The following KIF14 variants were observed in gnomAD, a reference collection of about 807,000 sequenced individuals.
KIF14 encodes kinesin-like protein KIF14.
A neutral mutation model predicts 176.2 loss-of-function variants in KIF14; 98 were observed. The observed-to-expected ratio is 0.56, with a 90% CI of 0.47 to 0.66. KIF14 has a LOEUF of 0.66. Among genes scored for constraint, KIF14 ranks in the 30% least tolerant of loss-of-function variants. The pLI, the probability that KIF14 is intolerant of heterozygous loss-of-function variation, is 0.00. For synonymous variants in KIF14, 566 were observed against 632.2 expected (o/e 0.90, Z 1.57); for missense variants, 1,751 against 1,920.4 (o/e 0.91, Z 1.65).
intron 19 of KIF14, among the ~76,000 whole-genome samples, chr1:200,585,434 C>T (rs967479305): frequency 1.9e-4 from 29 of 151,864 alleles, no homozygotes; most frequent in Admixed American, 7.9e-4. Context: ...AAGAAAACAA[C>T]GTAATCCATG....
At position 200,617,811 on chromosome 1, in the gene KIF14, T is replaced by G; in HGVS notation, c.913A>C (p.Lys305Gln). The change falls in exon 2 of 30, where the codon AAG becomes CAG. Residue 305 changes from lysine to glutamine, a missense_variant. Coordinates refer to ENST00000367350, the MANE Select transcript of KIF14 (RefSeq NM_014875.3). ...ACTTGAAGGTTAGACATTCTATTCT[T>G]CAGTATTGATGGAGCTGGGCTCTTA... ...QLKSPAPSILKNRMSNLQVKQ... is the reference protein window; with the variant it reads ...QLKSPAPSILQNRMSNLQVKQ... The G allele has an allele frequency of 6.2e-7, 1 of 1,614,180 alleles. No homozygotes were observed. The highest frequency in any genetic ancestry group is 1.1e-5 in the South Asian group (1 of 91,078).
intron 18 of KIF14, among the ~76,000 whole-genome samples, chr1:200,588,534 C>T (rs1486992009): frequency 2.0e-5 from 3 of 152,124 alleles, no homozygotes; most frequent in African/African-American, 4.8e-5. Flanking sequence ...CCACCATGCC[C>T]GGCCTAAATA....
At chr1:200,569,038 G>A (rs574640768) in intron 23 of KIF14, among the ~76,000 whole-genome samples, 27 of 149,052 alleles carry the variant, frequency 1.8e-4, no homozygotes, top group East Asian at 1.4e-3. Context: ...CGATTCTCCC[G>A]CCTCAGCCTC....
chr1:200,558,099 A>G (rs1480178330), intron 27 of KIF14, among the ~76,000 whole-genome samples: 2 of 152,138 alleles, frequency 1.3e-5, no homozygotes, highest in Non-Finnish European at 2.9e-5. Flanking sequence ...GGTACTACAG[A>G]TGCATGCCAC....
intron 25 of KIF14, among the ~76,000 whole-genome samples, chr1:200,561,508 C>T (rs1421973030): frequency 6.6e-6 from 1 of 151,062 alleles, no homozygotes; most frequent in Non-Finnish European, 1.5e-5. Flanking sequence ...CACTGCACTC[C>T]AGCCTGGGTG....
At chr1:200,603,400 TCACA>T in intron 9 of KIF14, 59 bp from the exon 10 acceptor site, 1 of 804,246 alleles carries the variant, frequency 1.2e-6, no homozygotes, top group Non-Finnish European at 2.1e-6. Flanking sequence ...GAAATTTATT[TCACA>T]AAATATATTT....
At chr1:200,570,548 C>T (rs760102037) in intron 22 of KIF14, among the ~76,000 whole-genome samples, 5 of 152,060 alleles carry the variant, frequency 3.3e-5, no homozygotes, top group Non-Finnish European at 7.4e-5. Flanking sequence ...AGTGTACATG[C>T]GAAGAACCAA....
chr1:200,590,940 G>A (rs1659023944), intron 16 of KIF14, among the ~76,000 whole-genome samples: 1 of 151,928 alleles, frequency 6.6e-6, no homozygotes, highest in Admixed American at 6.6e-5. Flanking sequence ...GTGGGAGGAT[G>A]GCTTGAGGCC....
At chr1:200,555,218 C>T (rs1656769376) in intron 28 of KIF14, among the ~76,000 whole-genome samples, 162 bp downstream of exon 28, 1 of 151,988 alleles carries the variant, frequency 6.6e-6, no homozygotes, top group South Asian at 2.1e-4. Flanking sequence ...AGTTATGACA[C>T]ACATAAAAAA....
intron 22 of KIF14, among the ~76,000 whole-genome samples, chr1:200,573,597 C>T (rs999900125): frequency 1.3e-5 from 2 of 152,022 alleles, no homozygotes; most frequent in South Asian, 2.1e-4. Flanking sequence ...CCACCGCGCC[C>T]GGCAAGGAGC....
At position 200,560,826 on chromosome 1, in the gene KIF14, G is replaced by C. The variant is rs151196320; in HGVS notation, c.4126C>G (p.Gln1376Glu). 8.0e-5 allele frequency: 129 copies of C among 1,613,928 alleles called. No individual in the cohort carries two copies. The African/African-American group carries it at 1.5e-3, about 19-fold the overall frequency. Residue 1376 changes from glutamine (Q) to glutamate (E), a missense_variant, in exon 26 of 30, where the codon CAA becomes GAA. Coordinates refer to ENST00000367350, the MANE Select transcript of KIF14 (RefSeq NM_014875.3). The stretch of plus-strand genomic sequence containing the variant: ...TACTTTACAGCTTGTTGTACAATTT[G>C]GATTGCATTCTTTTGAGCCTCTTTT... ...MIKEAQKNAI[Q>E]IVQQAVKYVG...
At position 200,601,900 on chromosome 1, in the gene KIF14, A is replaced by T; in HGVS notation, c.2148T>A (p.Ile716=). 6.2e-7 allele frequency: 1 copy of T among 1,604,456 alleles called. No individual in the cohort carries two copies. The highest frequency in any genetic ancestry group is 8.5e-7 in the Non-Finnish European group (1 of 1,175,714). ...KVNEDMNAKL[I]RELKAEIAKL... is the part of the protein sequence containing the mutation. ...AAATTCTGAGAAAATATTCACCTCT[A>T]ATTAACTTAGCGTTCATATCTTCAT... The change falls in exon 11 of 30, where the codon ATT becomes ATA. Residue 716 remains isoleucine, a synonymous_variant. Coordinates refer to ENST00000367350, the MANE Select transcript of KIF14 (RefSeq NM_014875.3).
intron 22 of KIF14, among the ~76,000 whole-genome samples, chr1:200,574,937 A>ATTTTTTTTTTTTTTTTTTTTTTTTTTTT (rs35584654): frequency 9.0e-6 from 1 of 110,682 alleles, no homozygotes. Flanking sequence ...AGAAAGGGTA[A>ATTTTTTTTTTTTTTTTTTTTTTTTTTTT]TTTTTTTTTT....
At chr1:200,585,198 T>C (rs374199156) in intron 19 of KIF14, among the ~76,000 whole-genome samples, 19 of 149,818 alleles carry the variant, frequency 1.3e-4, no homozygotes, top group African/African-American at 4.4e-4. Context: ...TACTGTATTG[T>C]ATACTTGAAA....
chr1:200,609,016 A>G, intron 4 of KIF14, 88 bp from the exon 5 acceptor site: 2 of 611,780 alleles, frequency 3.3e-6, no homozygotes, highest in Non-Finnish European at 5.6e-6. Context: ...AAAATATATA[A>G]ATATATAAAA....
intron 4 of KIF14, among the ~76,000 whole-genome samples, chr1:200,612,876 ATTCTC>A (rs1660222894): frequency 8.2e-6 from 1 of 122,646 alleles, no homozygotes; most frequent in Non-Finnish European, 1.7e-5. Context: ...TTTCTAGTTT[ATTCTC>A]TTTTTTTTTT....
rs766155209 is a variant in KIF14 at position 200,617,634 on chromosome 1, G to T, written c.1090C>A (p.Arg364Ser). 2 of 1,611,378 alleles carry T rather than the reference G, an allele frequency of 1.2e-6. No homozygotes were observed. Among genetic ancestry groups the T allele is most frequent in the Non-Finnish European group, 1.7e-6 (2 of 1,178,288 alleles). The change falls in exon 2 of 30, where the codon CGC becomes AGC. Residue 364 changes from arginine (R) to serine (S), a missense_variant. Coordinates refer to ENST00000367350, the MANE Select transcript of KIF14 (RefSeq NM_014875.3). ...TACCTCTTGGTGAAAGGTCTTACGC[G>T]TACTGCCACTGTCACTTGACTATTC... ...VENSQVTVAV[R>S]VRPFTKREKI...
chr1:200,587,873 T>C (rs1276092607), intron 18 of KIF14, among the ~76,000 whole-genome samples: 1 of 152,206 alleles, frequency 6.6e-6, no homozygotes, highest in Non-Finnish European at 1.5e-5. Context: ...AACAGTTCTA[T>C]GTTTTTCTCC....
At chr1:200,557,381 A>T (rs141907171) in intron 27 of KIF14, among the ~76,000 whole-genome samples, 3 of 152,346 alleles carry the variant, frequency 2.0e-5, no homozygotes, top group Non-Finnish European at 4.4e-5. Context: ...ACGTGCAAGT[A>T]AGATGAATGA....
Sources: allele counts gnomAD v4.1 joint callset (sites outside exome capture counted in the v4.1 genomes callset), GRCh38; gene constraint gnomAD v4.1.1; transcripts MANE v1.5; gene names NCBI Gene and HGNC (gene_info 2026-07-23, HGNC 2026-07-21).